The following DOC2A variants were observed in gnomAD, a reference collection of about 807,000 sequenced individuals.
The protein encoded by DOC2A is double C2-like domain-containing protein alpha.
In DOC2A, 28 loss-of-function variants were observed where a neutral mutation model predicts 40.6. That is an observed-to-expected ratio of 0.69 (90% CI 0.51 to 0.95). The LOEUF (loss-of-function observed/expected upper bound fraction) is 0.95. Ranked by LOEUF, DOC2A falls within the 40% of genes least tolerant of loss-of-function variation. The probability of loss-of-function intolerance (pLI) is 0.00; values close to 1 mark genes in which losing one functional copy is unlikely to be tolerated. For missense variants in DOC2A, 474 were observed against 552.5 expected (o/e 0.86, Z 1.42); for synonymous variants, 241 against 236.9 (o/e 1.02, Z -0.16).
intron 5 of DOC2A, chr16:30,007,889 C>G (rs1246028264): frequency 2.7e-5 from 5 of 186,906 alleles, no homozygotes; most frequent in African/African-American, 9.4e-5. Context: ...GGGCAAGTCA[C>G]TTGATCACCC....
At chr16:30,013,269 CTT>C (rs760313011), upstream of DOC2A, among the ~76,000 whole-genome samples, 4 of 110,400 alleles carry the variant, frequency 3.6e-5, no homozygotes, top group Non-Finnish European at 7.7e-5. Flanking sequence ...TTTTTCTTTT[CTT>C]TTTTTTTTTT....
chr16:30,013,913 C>T (rs1227754916), upstream of DOC2A, among the ~76,000 whole-genome samples: 1 of 152,056 alleles, frequency 6.6e-6, no homozygotes, highest in Non-Finnish European at 1.5e-5. Context: ...GACGGTGTTT[C>T]ACCATCTTAG....
chr16:30,016,047 ATATATATATTTTTTTTTTT>A (rs1351739577), upstream of DOC2A, among the ~76,000 whole-genome samples: 1 of 22,464 alleles, frequency 4.5e-5, no homozygotes, highest in African/African-American at 1.5e-4. Context: ...ATATATATAT[ATATATATATTTTTTTTTTT>A]TTTTTTTTTT....
intron 1 of DOC2A, among the ~76,000 whole-genome samples, chr16:30,017,890 G>A (rs1005428528): frequency 6.6e-6 from 1 of 151,546 alleles, no homozygotes; most frequent in African/African-American, 2.4e-5. Flanking sequence ...AACCTGGGAG[G>A]TGGAGGTTGC....
chr16:30,022,491 C>G (rs1236994871), upstream of DOC2A, among the ~76,000 whole-genome samples: 8 of 151,960 alleles, frequency 5.3e-5, no homozygotes, highest in Non-Finnish European at 1.0e-4. Context: ...GGCAACATAG[C>G]AAGCCCTCAT....
chr16:30,015,917 G>A (rs1323652422), upstream of DOC2A, among the ~76,000 whole-genome samples: 4 of 145,202 alleles, frequency 2.8e-5, no homozygotes, highest in Non-Finnish European at 3.0e-5. Flanking sequence ...TTACTATGGT[G>A]CCCAGGCTGG....
chr16:30,014,500 A>T (rs182725832), upstream of DOC2A, among the ~76,000 whole-genome samples: 2 of 151,496 alleles, frequency 1.3e-5, no homozygotes, highest in African/African-American at 2.4e-5. Flanking sequence ...CTGGGCGTGG[A>T]GGCGGGCAAC....
intron 1 of DOC2A, among the ~76,000 whole-genome samples, chr16:30,019,889 C>G (rs1171215045): frequency 6.6e-6 from 1 of 151,786 alleles, no homozygotes; most frequent in African/African-American, 2.4e-5. Flanking sequence ...CACGTACCAC[C>G]ATGCCTAGTT....
chr16:30,018,598 G>A (rs2070880335), intron 1 of DOC2A: 1 of 152,146 alleles, frequency 6.6e-6, no homozygotes, highest in Non-Finnish European at 1.5e-5. Flanking sequence ...CCACTGAGAC[G>A]AAAAGATGGG....
upstream of DOC2A, chr16:30,012,346 G>A (rs1187028104): frequency 6.6e-6 from 1 of 152,142 alleles, no homozygotes; most frequent in Non-Finnish European, 1.5e-5. Flanking sequence ...CCCACCAGCA[G>A]GGAGTTCCAC....
At chr16:30,011,372 T>C (rs898129182), upstream of DOC2A, 1 of 984,896 alleles carries the variant, frequency 1.0e-6, no homozygotes, top group South Asian at 4.7e-5. Context: ...ACACGCGGGC[T>C]CCCTGCGCCA....
At chr16:30,012,371 C>A (rs985935101), upstream of DOC2A, 1 of 152,140 alleles carries the variant, frequency 6.6e-6, no homozygotes, top group African/African-American at 2.4e-5. Flanking sequence ...GCGGCTGATT[C>A]ATCTGGGAGT....
chr16:30,012,923 G>C (rs976734775), upstream of DOC2A, among the ~76,000 whole-genome samples: 1 of 151,834 alleles, frequency 6.6e-6, no homozygotes, highest in Non-Finnish European at 1.5e-5. Flanking sequence ...CCCGGGAGGC[G>C]GAGGTTGCAG....
upstream of DOC2A, among the ~76,000 whole-genome samples, chr16:30,016,793 T>A (rs2150963207): frequency 6.6e-6 from 1 of 152,308 alleles, no homozygotes; most frequent in Non-Finnish European, 1.5e-5. Flanking sequence ...CAATGAGCTG[T>A]GACTTCACAG....
chr16:30,013,016 CAAAA>C (rs1357525581), upstream of DOC2A, among the ~76,000 whole-genome samples: 2 of 151,576 alleles, frequency 1.3e-5, no homozygotes, highest in Non-Finnish European at 2.9e-5. Context: ...AACAAACAAA[CAAAA>C]AACCCTGAGA....
chr16:30,010,809 G>A lies in DOC2A; in HGVS notation c.-14+94C>T. On this transcript the variant is annotated intron_variant, in intron 1 of 10. Coordinates refer to ENST00000350119, the MANE Select transcript of DOC2A (RefSeq NM_003586.3). This position sits in a 1 kb window ranked among gnomAD's most constrained non-coding sequence, Gnocchi z 4.2. ...CTCCTCAGGGGAGCCAGAAATTGCAGCCGCAGGAGAGCCGAACACCCCCGT... is the reference window on the plus strand; with the variant it reads ...CTCCTCAGGGGAGCCAGAAATTGCAACCGCAGGAGAGCCGAACACCCCCGT... 1.1e-6 allele frequency: 1 copy of A among 914,808 alleles called. No homozygotes were observed. The highest frequency in any genetic ancestry group is 1.3e-6 in the Non-Finnish European group (1 of 759,640). The allele number at this position is 914,808 out of a possible 1,614,324, so 56.7% of individuals were successfully genotyped here.
rs2070563336 is a variant in DOC2A, at chr16:30,005,828, C to T, written c.*358G>A. 6 of 461,918 alleles carry T rather than the reference C, an allele frequency of 1.3e-5. No homozygotes were observed. Among genetic ancestry groups the T allele is most frequent in the Non-Finnish European group, 2.3e-5 (6 of 259,170 alleles). 28.6% of individuals were successfully genotyped at this position (461,918 alleles called of 1,614,324 possible). On this transcript the variant is annotated 3_prime_UTR_variant, in exon 11 of 11. Coordinates refer to ENST00000350119, the MANE Select transcript of DOC2A (RefSeq NM_003586.3). ...TCCTTTTTTTTTGAGACATTCTCCTCCTCTGAACCTCCCCTAATCCGACCT... is the reference window on the plus strand; with the variant it reads ...TCCTTTTTTTTTGAGACATTCTCCTTCTCTGAACCTCCCCTAATCCGACCT...
intron 1 of DOC2A, among the ~76,000 whole-genome samples, chr16:30,019,163 A>C (rs751001233): frequency 6.6e-6 from 1 of 152,058 alleles, no homozygotes; most frequent in Non-Finnish European, 1.5e-5. Flanking sequence ...ACTAAAAATT[A>C]AAAAATTAGC....
chr16:30,007,022 G>T lies in DOC2A; in HGVS notation c.714+9C>A, dbSNP rs1567279263. On this transcript the variant is annotated intron_variant, in intron 7 of 10. Coordinates refer to ENST00000350119, the MANE Select transcript of DOC2A (RefSeq NM_003586.3). ...CCACATGCATCCCCATCCCCATGAG[G>T]TGCCTCACCTCCTTCAGATAACAGG... is the stretch of plus-strand genomic sequence containing the variant. The T allele has an allele frequency of 6.2e-7, 1 of 1,613,824 alleles. No individual in the cohort carries two copies. Among genetic ancestry groups the T allele is most frequent in the South Asian group, 1.1e-5 (1 of 91,072 alleles).
Sources: allele counts gnomAD v4.1 joint callset (sites outside exome capture counted in the v4.1 genomes callset), GRCh38; gene constraint gnomAD v4.1.1; non-coding constraint Gnocchi (gnomAD v3.1); transcripts MANE v1.5; gene names NCBI Gene and HGNC (gene_info 2026-07-23, HGNC 2026-07-21).